The following CDH18 variants were observed in gnomAD, a reference collection of about 807,000 sequenced individuals.
CDH18 encodes cadherin-18.
Under a neutral mutation model 67.9 loss-of-function variants are expected in CDH18, and 31 were observed. The ratio of observed to expected loss-of-function variants is 0.46; its 90% CI spans 0.34 to 0.62. The LOEUF is 0.62. CDH18 is among the 20% of genes least tolerant of loss of function. The pLI, the probability that CDH18 is intolerant of heterozygous loss-of-function variation, is 0.01. For missense variants in CDH18, 890 were observed against 975.5 expected (o/e 0.91, Z 1.17); for synonymous variants, 362 against 347.2 (o/e 1.04, Z -0.48).
chr5:19,872,654 T>C (rs1786454298), intron 2 of CDH18, among the ~76,000 whole-genome samples: 1 of 152,202 alleles, frequency 6.6e-6, no homozygotes, highest in Non-Finnish European at 1.5e-5. Flanking sequence ...ACAGCCCAGC[T>C]GGCAACTTGA....
rs776085243 is a variant in CDH18 at position 19,491,744 on chromosome 5, A to ATG, written c.1631-8193_1631-8192insCA. On this transcript the variant is annotated intron_variant, in intron 11 of 12. Coordinates refer to ENST00000382275, the MANE Select transcript of CDH18 (RefSeq NM_004934.5). Reference sequence around the variant, plus strand: ...CCTGTTTCCTTTTAAGTGTTTTGTTAAAAATTATAAAGCAACTTATAAATG... The same window carrying ATG: ...CCTGTTTCCTTTTAAGTGTTTTGTTATGAAAATTATAAAGCAACTTATAAATG... Among the ~76,000 whole-genome samples the ATG allele has an allele frequency of 2.2e-3, 341 of 152,306 alleles. 1 individual carries two copies. The highest frequency in any genetic ancestry group is 3.6e-3 in the Non-Finnish European group (247 of 68,006).
At chr5:20,548,749 G>T (rs1757477881) in intron 1 of CDH18, among the ~76,000 whole-genome samples, 1 of 152,126 alleles carries the variant, frequency 6.6e-6, no homozygotes, top group South Asian at 2.1e-4. Context: ...CTTGTCAGTT[G>T]AAATTGTGAT....
At chr5:19,902,873 T>C (rs1028796925) in intron 2 of CDH18, among the ~76,000 whole-genome samples, 77 of 152,318 alleles carry the variant, frequency 5.1e-4, no homozygotes, top group African/African-American at 1.7e-3. Context: ...ATTGTTTAAC[T>C]CTTATGAAGC....
chr5:20,223,969 A>G (rs1741420035), intron 2 of CDH18, among the ~76,000 whole-genome samples: 1 of 152,192 alleles, frequency 6.6e-6, no homozygotes, highest in Admixed American at 6.6e-5. Flanking sequence ...TTATGTTAAC[A>G]AAATTTGTAT....
chr5:19,851,677 C>T (rs1396758597), intron 2 of CDH18, among the ~76,000 whole-genome samples: 1 of 151,834 alleles, frequency 6.6e-6, no homozygotes, highest in Non-Finnish European at 1.5e-5. Flanking sequence ...TTTACTACCA[C>T]ATACCACATA....
chr5:19,523,122 CATA>C (rs1023219161), intron 9 of CDH18, among the ~76,000 whole-genome samples: 31 of 151,870 alleles, frequency 2.0e-4, no homozygotes, highest in Non-Finnish European at 5.9e-5. Flanking sequence ...TTGTTATTCA[CATA>C]ATAATAATAG....
intron 5 of CDH18, among the ~76,000 whole-genome samples, chr5:19,635,300 T>C (rs1752979414): frequency 6.6e-6 from 1 of 152,188 alleles, no homozygotes; most frequent in Non-Finnish European, 1.5e-5. Flanking sequence ...ACTGGGAACC[T>C]TTTTGACATA....
At chr5:20,365,219 T>C (rs936027912) in intron 1 of CDH18, among the ~76,000 whole-genome samples, 10 of 152,164 alleles carry the variant, frequency 6.6e-5, no homozygotes, top group Non-Finnish European at 1.3e-4. Flanking sequence ...GTGCTGTGTG[T>C]TCCCATGGCA....
chr5:19,516,507 A>G (rs1267937302), intron 10 of CDH18, among the ~76,000 whole-genome samples: 1 of 152,042 alleles, frequency 6.6e-6, no homozygotes, highest in African/African-American at 2.4e-5. Flanking sequence ...TAGGCTATTA[A>G]TTATTGCCTC....
rs35852378 is a variant in CDH18, at chr5:20,528,965, G to GAA, written c.-580+46495_-580+46496dup. Among the ~76,000 whole-genome samples, 13 of 151,084 alleles carry GAA rather than the reference G, an allele frequency of 8.6e-5. No homozygotes were observed. In the East Asian group the frequency reaches 1.4e-3, roughly 16 times the overall value. On this transcript the variant is annotated intron_variant, in intron 1 of 14. Transcript: ENST00000507958. ...CAATGAATCCAGGAGCTGGTTTTGT[G>GAA]AAAAAAAATCAGTAAAATAGACAGA...
intron 2 of CDH18, among the ~76,000 whole-genome samples, chr5:19,974,520 CAAAA>C (rs70954626): frequency 6.4e-5 from 5 of 78,262 alleles, no homozygotes; most frequent in African/African-American, 1.0e-4. Flanking sequence ...TCCTGTCTCC[CAAAA>C]AAAAAAAAAA....
At chr5:19,866,790 C>T (rs924132147) in intron 2 of CDH18, among the ~76,000 whole-genome samples, 1 of 152,054 alleles carries the variant, frequency 6.6e-6, no homozygotes, top group Admixed American at 6.6e-5. Context: ...ACAGTTAGGG[C>T]ATTAAAAAAA....
At chr5:20,441,490 A>T (rs1287887281) in intron 1 of CDH18, among the ~76,000 whole-genome samples, 6 of 151,748 alleles carry the variant, frequency 4.0e-5, no homozygotes, top group Non-Finnish European at 7.4e-5. Flanking sequence ...AAAACTACAC[A>T]GAGCAAAAAA....
chr5:20,411,526 G>T (rs549938118), intron 1 of CDH18, among the ~76,000 whole-genome samples: 1 of 152,174 alleles, frequency 6.6e-6, no homozygotes, highest in East Asian at 1.9e-4. Context: ...TCATGACTTT[G>T]CTGTTGGCAA....
At chr5:20,559,619 C>G (rs1401845138) in intron 1 of CDH18, among the ~76,000 whole-genome samples, 3 of 151,956 alleles carry the variant, frequency 2.0e-5, no homozygotes, top group African/African-American at 7.2e-5. Context: ...ATAGTAATGT[C>G]ATTTTTATAA....
rs140599511 is a variant in CDH18 at position 20,188,808 on chromosome 5, T to C, written c.-518+66636A>G. 1.3e-4 allele frequency among the ~76,000 whole-genome samples: 19 copies of C among 146,424 alleles called. No individual in the cohort carries two copies. The East Asian group carries it at 3.5e-3, about 27-fold the overall frequency. ...CCATTTTCTTTATTTGCTATTCTTA[T>C]TGTGGCAAAAAAAAAAAGTCCCTTA... is the stretch of plus-strand genomic sequence containing the variant. On this transcript the variant is annotated intron_variant, in intron 2 of 14. Coordinates refer to the CDH18 transcript ENST00000507958.
At chr5:19,935,882 T>A (rs983981308) in intron 2 of CDH18, among the ~76,000 whole-genome samples, 3 of 150,762 alleles carry the variant, frequency 2.0e-5, no homozygotes, top group Admixed American at 6.6e-5. Flanking sequence ...CTTGTGATTT[T>A]TTTTTTTGTT....
At chr5:20,446,598 A>G (rs1243227454) in intron 1 of CDH18, among the ~76,000 whole-genome samples, 1 of 152,156 alleles carries the variant, frequency 6.6e-6, no homozygotes, top group Non-Finnish European at 1.5e-5. Context: ...AAAAATGTTT[A>G]TTTCTCCCTA....
chr5:19,726,855 AT>A (rs1414274451), intron 4 of CDH18, among the ~76,000 whole-genome samples: 5 of 152,136 alleles, frequency 3.3e-5, no homozygotes, highest in African/African-American at 1.2e-4. Flanking sequence ...GTTTTTGCAA[AT>A]ACCGTGTGAG....
Sources: gnomAD v4.1 joint callset for allele counts (sites outside exome capture counted in the v4.1 genomes callset) on GRCh38, gnomAD v4.1.1 for gene constraint, MANE v1.5 for transcripts, NCBI Gene and HGNC (gene_info 2026-07-23, HGNC 2026-07-21) for gene names.